The following GRM4 variants were observed in gnomAD, a reference collection of about 807,000 sequenced individuals.
GRM4 encodes glutamate metabotropic receptor 4.
Under a neutral mutation model 81.7 loss-of-function variants are expected in GRM4, and 28 were observed. The ratio of observed to expected loss-of-function variants is 0.34; its 90% CI spans 0.25 to 0.47. The LOEUF is 0.47. Ranked by LOEUF, GRM4 falls within the 20% of genes least tolerant of loss-of-function variation. The probability of loss-of-function intolerance (pLI) is 1.00; values close to 1 mark genes in which losing one functional copy is unlikely to be tolerated. For synonymous variants in GRM4, 488 were observed against 528.8 expected (o/e 0.92, Z 1.06); for missense variants, 948 against 1,290.0 (o/e 0.73, Z 4.06).
At position 34,069,647 on chromosome 6, in the gene GRM4, A is replaced by AGTGTGT. The variant is rs3222082; in HGVS notation, c.737-7625_737-7620dup. On this transcript the variant is annotated intron_variant, in intron 3 of 10. Coordinates refer to ENST00000538487, the MANE Select transcript of GRM4 (RefSeq NM_000841.4). This position sits in a 1 kb window ranked among gnomAD's most constrained non-coding sequence, Gnocchi z 6.4. ...GGCTTTACAACCCTTGGCAGCCCCCAGTGTGTGTGTGTGTGTGTGTGTGTG... is the reference window on the plus strand; with the variant it reads ...GGCTTTACAACCCTTGGCAGCCCCCAGTGTGTGTGTGTGTGTGTGTGTGTGTGTGTG... Among the ~76,000 whole-genome samples, 1,357 of 144,440 alleles carry AGTGTGT rather than the reference A, an allele frequency of 9.4e-3. 8 individuals are homozygous for AGTGTGT. Among genetic ancestry groups the AGTGTGT allele is most frequent in the Middle Eastern group, 0.073 (21 of 286 alleles). 94.8% of individuals were successfully genotyped at this position (144,440 alleles called of 152,430 possible).
At chr6:34,072,733 C>T (rs1293849739) in intron 3 of GRM4, among the ~76,000 whole-genome samples, 1 of 11,860 alleles carries the variant, frequency 8.4e-5, no homozygotes, top group Admixed American at 1.1e-3. Context: ...AGATTACACA[C>T]CACACCCACA....
At position 34,134,185 on chromosome 6, in the gene GRM4, A is replaced by G. The variant is rs544263609; in HGVS notation, c.-363-326T>C. Among the ~76,000 whole-genome samples the G allele has an allele frequency of 3.9e-5, 6 of 152,244 alleles. No individual in the cohort carries two copies. The East Asian group carries it at 1.2e-3, about 29-fold the overall frequency. ...GAGGGGCCTTCCTCAACACATCCAC[A>G]TGAAGGAGAGCAAGAAACAGGTCCT... On this transcript the variant is annotated intron_variant, in intron 1 of 10. Transcript: ENST00000538487.
In GRM4 at chr6:34,087,799, T is replaced by TACACACACACACACACACACACACAC. The variant is rs71000022; in HGVS notation, c.736+4058_736+4083dup. Reference sequence around the variant, plus strand: ...CCAGAACTTCCCAGACATGCACCCCTACACACACACACACACACACACACA... The same window carrying TACACACACACACACACACACACACAC: ...CCAGAACTTCCCAGACATGCACCCCTACACACACACACACACACACACACACACACACACACACACACACACACACA... On this transcript the variant is annotated intron_variant, in intron 3 of 10. Transcript: ENST00000538487. Among the ~76,000 whole-genome samples, 158 of 88,392 alleles carry TACACACACACACACACACACACACAC rather than the reference T, an allele frequency of 1.8e-3. 10 individuals carry two copies. The highest frequency in any genetic ancestry group is 5.4e-3 in the African/African-American group (110 of 20,526). The allele number at this position is 88,392 out of a possible 152,430, so 58.0% of individuals were successfully genotyped here. A position where few individuals can be genotyped will look rare whatever the true frequency, so the allele number is the denominator to read the frequency against.
At chr6:34,057,182 T>A (rs1305955518) in intron 5 of GRM4, among the ~76,000 whole-genome samples, 1 of 152,178 alleles carries the variant, frequency 6.6e-6, no homozygotes, top group Non-Finnish European at 1.5e-5. Context: ...GCCTGCCTCC[T>A]CCACATGCTC....
At chr6:34,105,509 T>C (rs915359766) in intron 2 of GRM4, among the ~76,000 whole-genome samples, 1 of 152,072 alleles carries the variant, frequency 6.6e-6, no homozygotes. Context: ...CCTTGTCCCC[T>C]CCTTCCTCTC....
In GRM4 at chr6:34,064,403, G is replaced by A. The variant is rs755421730; in HGVS notation, c.737-2375C>T. On this transcript the variant is annotated intron_variant, in intron 3 of 10. Transcript: ENST00000538487. The surrounding 1 kb of genome is among the most constrained non-coding windows in gnomAD (Gnocchi z 4.4). ...TCCCCAGGATCACAAAGATAGTCAG[G>A]GGAAGAGGTGGGGTTTGAACTTGGG... 6.6e-6 allele frequency among the ~76,000 whole-genome samples: 1 copy of A among 152,192 alleles called. No individual in the cohort carries two copies. Among genetic ancestry groups the A allele is most frequent in the Non-Finnish European group, 1.5e-5 (1 of 68,030 alleles).
At chr6:34,110,775 T>C in intron 2 of GRM4, 1 of 1,445,028 alleles carries the variant, frequency 6.9e-7, no homozygotes, top group Non-Finnish European at 9.1e-7. Flanking sequence ...GAGATCAAAG[T>C]GGTGCCCCTC....
intron 2 of GRM4, among the ~76,000 whole-genome samples, chr6:34,102,364 T>A (rs995071255): frequency 1.3e-5 from 2 of 152,198 alleles, no homozygotes; most frequent in African/African-American, 4.8e-5. Context: ...CAGCTTGGCC[T>A]CACTGACTCG....
chr6:34,095,394 G>A (rs945204922), intron 2 of GRM4, among the ~76,000 whole-genome samples: 4 of 152,134 alleles, frequency 2.6e-5, no homozygotes, highest in Non-Finnish European at 5.9e-5. Flanking sequence ...ACTTTGGGGA[G>A]CTATACTGCT....
In GRM4 at chr6:34,069,828, T is replaced by C. The variant is rs1670870823; in HGVS notation, c.737-7800A>G. Among the ~76,000 whole-genome samples, 1 of 152,168 alleles carries C rather than the reference T, an allele frequency of 6.6e-6. No individual in the cohort carries two copies. Among genetic ancestry groups the C allele is most frequent in the East Asian group, 1.9e-4 (1 of 5,190 alleles). On this transcript the variant is annotated intron_variant, in intron 3 of 10. Transcript: ENST00000538487. The surrounding 1 kb of genome is among the most constrained non-coding windows in gnomAD (Gnocchi z 6.4). ...CACGTCTGTGCCCCCAACAGGCCTCTGCACATGCTGCTCCCTCTGCCAGGA... is the reference window on the plus strand; with the variant it reads ...CACGTCTGTGCCCCCAACAGGCCTCCGCACATGCTGCTCCCTCTGCCAGGA...
chr6:34,061,918 T>C lies in GRM4; in HGVS notation c.847A>G (p.Ile283Val). 1 of 1,613,178 alleles carries C rather than the reference T, an allele frequency of 6.2e-7. No homozygotes were observed. Among genetic ancestry groups the C allele is most frequent in the Non-Finnish European group, 8.5e-7 (1 of 1,179,332 alleles). ...CTGATGTCATCCTCGTTGGCAAAGA[T>C]GATGACTGCCCTGGCGTTCGAAGTC... is the stretch of plus-strand genomic sequence containing the variant. ...LETSNARAVI[I>V]FANEDDIRRV... The change falls in exon 4 of 11, where the codon ATC becomes GTC. Residue 283 changes from isoleucine (I) to valine (V), a missense_variant. Ile to Val is a conservative substitution (Grantham distance 29, BLOSUM62 3). Coordinates refer to ENST00000538487, the MANE Select transcript of GRM4 (RefSeq NM_000841.4).
At position 34,058,948 on chromosome 6, in the gene GRM4, G is replaced by A. The variant is rs761824313; in HGVS notation, c.1027+26C>T. 5.9e-5 allele frequency: 94 copies of A among 1,599,884 alleles called. 1 individual carries two copies. Among genetic ancestry groups the A allele is most frequent in the East Asian group, 1.3e-4 (6 of 44,826 alleles). On this transcript the variant is annotated intron_variant, in intron 5 of 10. Transcript: ENST00000538487. ...AGGAGGAGCAGTCCAGGATGGTGCC[G>A]ACCACCTGCACCCGCCCAGCCTTAC...
In GRM4 at chr6:34,022,854, CTGTT is replaced by C. The variant is rs1255235597; in HGVS notation, c.2702_2705del (p.Lys901ArgfsTer55). On this transcript the variant is annotated frameshift_variant, in exon 11 of 11. Coordinates refer to ENST00000538487, the MANE Select transcript of GRM4 (RefSeq NM_000841.4). LOFTEE classifies it high-confidence loss of function. This position sits in a 1 kb window ranked among gnomAD's most constrained non-coding sequence, Gnocchi z 5.6. ...CATGGTTGGTGTAAGTGACGTAAGTCTGTTTGGTGGCCAGCGCTGGAAGGAGAGA... is the reference window on the plus strand; with the variant it reads ...CATGGTTGGTGTAAGTGACGTAAGTCTGGTGGCCAGCGCTGGAAGGAGAGA... 3.7e-6 allele frequency: 6 copies of C among 1,613,922 alleles called. No homozygotes were observed. Among genetic ancestry groups the C allele is most frequent in the African/African-American group, 2.7e-5 (2 of 74,936 alleles).
chr6:34,134,637 G>A (rs868839475), intron 1 of GRM4, among the ~76,000 whole-genome samples: 5 of 151,958 alleles, frequency 3.3e-5, no homozygotes, highest in African/African-American at 9.7e-5. Flanking sequence ...CCTGCATGAG[G>A]AGCAGGCCTC....
At position 34,070,087 on chromosome 6, in the gene GRM4, G is replaced by T. The variant is rs768403599; in HGVS notation, c.737-8059C>A. Among the ~76,000 whole-genome samples the T allele has an allele frequency of 6.6e-6, 1 of 152,192 alleles. No individual in the cohort carries two copies. Among genetic ancestry groups the T allele is most frequent in the Non-Finnish European group, 1.5e-5 (1 of 68,028 alleles). On this transcript the variant is annotated intron_variant, in intron 3 of 10. Coordinates refer to ENST00000538487, the MANE Select transcript of GRM4 (RefSeq NM_000841.4). This position sits in a 1 kb window ranked among gnomAD's most constrained non-coding sequence, Gnocchi z 4.6. Reference sequence around the variant, plus strand: ...CGGCAGGAGCTGCCAGCATGGGCGTGAGGGCAGAGGCTCTGTAGGAGTTGG... The same window carrying T: ...CGGCAGGAGCTGCCAGCATGGGCGTTAGGGCAGAGGCTCTGTAGGAGTTGG...
At chr6:34,125,572 T>A (rs1769991474) in intron 2 of GRM4, among the ~76,000 whole-genome samples, 1 of 152,240 alleles carries the variant, frequency 6.6e-6, no homozygotes, top group South Asian at 2.1e-4. Flanking sequence ...TGAGAGCAAC[T>A]AGAGCAAAGC....
At position 34,059,400 on chromosome 6, in the gene GRM4, G is replaced by C; in HGVS notation, c.873-272C>G. 1 of 496,066 alleles carries C rather than the reference G, an allele frequency of 2.0e-6. No homozygotes were observed. The highest frequency in any genetic ancestry group is 2.2e-5 in the South Asian group (1 of 44,746). The allele number at this position is 496,066 out of a possible 1,614,324, so 30.7% of individuals were successfully genotyped here. Reference sequence around the variant, plus strand: ...AGCGTGATTCTCCAGGCCTACATCTGTCCCTGCAAAGACCACACCTCTCCC... The same window carrying C: ...AGCGTGATTCTCCAGGCCTACATCTCTCCCTGCAAAGACCACACCTCTCCC... On this transcript the variant is annotated intron_variant, in intron 4 of 10. Transcript: ENST00000538487. The surrounding 1 kb of genome is among the most constrained non-coding windows in gnomAD (Gnocchi z 5.7).
rs1439073380 is a variant in GRM4, at chr6:34,018,800, GTGC to G, written c.*4018_*4020del. On this transcript the variant is annotated 3_prime_UTR_variant, in exon 11 of 11. Transcript: ENST00000538487. ...AGATTCTGGTGCCGAGTGCCATTTAGTGCTGGGTTGGGGGTGGGGGTCTGAGCC... is the reference window on the plus strand; with the variant it reads ...AGATTCTGGTGCCGAGTGCCATTTAGTGGGTTGGGGGTGGGGGTCTGAGCC... 1 of 151,634 alleles carries G rather than the reference GTGC, an allele frequency of 6.6e-6. No individual in the cohort carries two copies. The highest frequency in any genetic ancestry group is 6.6e-5 in the Admixed American group (1 of 15,254). The allele number at this position is 151,634 out of a possible 1,614,324, so 9.4% of individuals were successfully genotyped here.
In GRM4 at chr6:34,070,096, G is replaced by A. The variant is rs1766733957; in HGVS notation, c.737-8068C>T. Among the ~76,000 whole-genome samples the A allele has an allele frequency of 6.6e-6, 1 of 152,130 alleles. No individual in the cohort carries two copies. Among genetic ancestry groups the A allele is most frequent in the South Asian group, 2.1e-4 (1 of 4,822 alleles). ...CTGCCAGCATGGGCGTGAGGGCAGAGGCTCTGTAGGAGTTGGAGGTGAACA... is the reference window on the plus strand; with the variant it reads ...CTGCCAGCATGGGCGTGAGGGCAGAAGCTCTGTAGGAGTTGGAGGTGAACA... On this transcript the variant is annotated intron_variant, in intron 3 of 10. Transcript: ENST00000538487. The surrounding 1 kb of genome is among the most constrained non-coding windows in gnomAD (Gnocchi z 4.6).
Sources: gnomAD v4.1 joint callset for allele counts (sites outside exome capture counted in the v4.1 genomes callset) on GRCh38, gnomAD v4.1.1 for gene constraint, Gnocchi (gnomAD v3.1) non-coding constraint, MANE v1.5 for transcripts, NCBI Gene and HGNC (gene_info 2026-07-23, HGNC 2026-07-21) for gene names.